Variants in MATCAP2 observed in about 807,000 individuals in gnomAD.
MATCAP2 encodes microtubule associated tyrosine carboxypeptidase 2.
At chr7:36,338,155 T>C in the MATCAP2 span, among the ~76,000 whole-genome samples, 1 of 152,196 alleles carries the variant, frequency 6.6e-6, no homozygotes, top group African/African-American at 2.4e-5. Context: ...TTGCCATATT[T>C]TGAAATGGCC....
chr7:36,388,414 C>T, the MATCAP2 span, among the ~76,000 whole-genome samples: 1 of 152,054 alleles, frequency 6.6e-6, no homozygotes, highest in East Asian at 1.9e-4. Context: ...ATTTATCATA[C>T]AAAAATTCAA....
the MATCAP2 span, among the ~76,000 whole-genome samples, chr7:36,352,363 C>CAATG: frequency 7.0e-6 from 1 of 143,452 alleles, no homozygotes; most frequent in Non-Finnish European, 1.5e-5. Context: ...CACCACTGTA[C>CAATG]TCCAGCCTGG....
At chr7:36,371,675 GAAGA>G in the MATCAP2 span, among the ~76,000 whole-genome samples, 1 of 152,192 alleles carries the variant, frequency 6.6e-6, no homozygotes, top group Non-Finnish European at 1.5e-5. Flanking sequence ...CAAGAAAGAG[GAAGA>G]GAGAGATGGT....
the MATCAP2 span, among the ~76,000 whole-genome samples, chr7:36,354,647 G>A: frequency 6.6e-6 from 1 of 152,232 alleles, no homozygotes; most frequent in African/African-American, 2.4e-5. Flanking sequence ...TATTCACTCG[G>A]TAGCTGAAGA....
At chr7:36,375,977 C>T in the MATCAP2 span, among the ~76,000 whole-genome samples, 1 of 152,156 alleles carries the variant, frequency 6.6e-6, no homozygotes, top group Non-Finnish European at 1.5e-5. Flanking sequence ...ATTATTCTCT[C>T]TTTTCTTCTT....
the MATCAP2 span, chr7:36,357,261 GC>G: frequency 6.2e-7 from 1 of 1,614,106 alleles, no homozygotes; most frequent in Non-Finnish European, 8.5e-7. Context: ...ACAGCAGGCC[GC>G]CTCTCCAGGC....
the MATCAP2 span, among the ~76,000 whole-genome samples, chr7:36,350,690 C>T: frequency 4.9e-4 from 75 of 152,158 alleles, no homozygotes; most frequent in Middle Eastern, 3.4e-3. Flanking sequence ...TACAGGCATG[C>T]GCCACCATGC....
chr7:36,353,481 C>CTTT, the MATCAP2 span, among the ~76,000 whole-genome samples: 81 of 130,780 alleles, frequency 6.2e-4, 5 homozygotes, highest in Non-Finnish European at 9.3e-4. Flanking sequence ...TGTTTATGCT[C>CTTT]TTTTTTTTTT....
the MATCAP2 span, among the ~76,000 whole-genome samples, chr7:36,343,935 G>A: frequency 6.6e-6 from 1 of 152,190 alleles, no homozygotes. Flanking sequence ...AAACTGATCA[G>A]ATGGCCACTT....
the MATCAP2 span, chr7:36,366,729 G>T: frequency 5.3e-5 from 81 of 1,535,314 alleles, 1 homozygote; most frequent in African/African-American, 9.5e-4. Flanking sequence ...AAAGGATAAG[G>T]GGCCGATTTC....
chr7:36,327,491 A>G, the MATCAP2 span, among the ~76,000 whole-genome samples: 6 of 152,320 alleles, frequency 3.9e-5, no homozygotes, highest in Non-Finnish European at 7.3e-5. Context: ...GAACCTACTC[A>G]GTTTGTCTAA....
chr7:36,349,928 G>T, the MATCAP2 span, among the ~76,000 whole-genome samples: 1 of 152,062 alleles, frequency 6.6e-6, no homozygotes, highest in African/African-American at 2.4e-5. Flanking sequence ...AATAACCCCA[G>T]TTCTCCGATC....
At chr7:36,349,060 G>A in the MATCAP2 span, among the ~76,000 whole-genome samples, 413 of 152,364 alleles carry the variant, frequency 2.7e-3, 1 homozygote, top group African/African-American at 9.3e-3. Context: ...TGCTGTGACC[G>A]ATATTTACGT....
At chr7:36,358,315 T>C in the MATCAP2 span, among the ~76,000 whole-genome samples, 1 of 152,016 alleles carries the variant, frequency 6.6e-6, no homozygotes, top group African/African-American at 2.4e-5. Flanking sequence ...TTTGGAAATA[T>C]ATATAAAGGT....
At chr7:36,377,898 A>G in the MATCAP2 span, among the ~76,000 whole-genome samples, 1 of 152,176 alleles carries the variant, frequency 6.6e-6, no homozygotes, top group African/African-American at 2.4e-5. Context: ...CGAATCAGCT[A>G]TTGAAGCTTC....
chr7:36,353,479 CTCT>C, the MATCAP2 span, among the ~76,000 whole-genome samples: 10 of 74,670 alleles, frequency 1.3e-4, no homozygotes, highest in South Asian at 2.4e-3. Flanking sequence ...CCTGTTTATG[CTCT>C]TTTTTTTTTT....
At chr7:36,366,949 C>T in the MATCAP2 span, 6 of 1,362,060 alleles carry the variant, frequency 4.4e-6, no homozygotes, top group Non-Finnish European at 5.6e-6. Context: ...ATCGTCGCCC[C>T]GAGGCCCGGG....
the MATCAP2 span, chr7:36,356,919 C>T: frequency 6.2e-7 from 1 of 1,614,102 alleles, no homozygotes. Context: ...AGAAATCGGT[C>T]AGATGCGTGG....
chr7:36,371,961 C>A, the MATCAP2 span, among the ~76,000 whole-genome samples: 23 of 152,018 alleles, frequency 1.5e-4, no homozygotes, highest in Admixed American at 9.2e-4. Flanking sequence ...GCAATCCTCC[C>A]TCTGTAGCCT....
Sources: allele counts gnomAD v4.1 joint callset (sites outside exome capture counted in the v4.1 genomes callset), GRCh38; gene constraint gnomAD v4.1.1; transcripts MANE v1.5; gene names NCBI Gene and HGNC (gene_info 2026-07-23, HGNC 2026-07-21).